TSPAN9: variants seen among roughly 807,000 people sequenced by gnomAD.
The protein encoded by TSPAN9 is tetraspanin 9.
A neutral mutation model predicts 31.0 loss-of-function variants in TSPAN9; 16 were observed. The ratio of observed to expected loss-of-function variants is 0.52; its 90% CI spans 0.35 to 0.78. TSPAN9 has a LOEUF of 0.78. TSPAN9 is among the 30% of genes least tolerant of loss of function. The pLI is 0.01. For synonymous variants in TSPAN9, 145 were observed against 121.6 expected, an observed-to-expected ratio of 1.19 and a Z score of -1.27; for missense variants, 272 against 312.5, an observed-to-expected ratio of 0.87 and a Z score of 0.98.
intron 3 of TSPAN9, among the ~76,000 whole-genome samples, chr12:3,209,689 G>T (rs1332170019): frequency 6.6e-6 from 1 of 152,132 alleles, no homozygotes; most frequent in Non-Finnish European, 1.5e-5. Flanking sequence ...GCCGGGCGCG[G>T]TGGCTCACGC....
intron 3 of TSPAN9, among the ~76,000 whole-genome samples, chr12:3,260,507 C>T (rs1862428837): frequency 6.6e-6 from 1 of 152,196 alleles, no homozygotes; most frequent in Non-Finnish European, 1.5e-5. Context: ...CCTCATAGTC[C>T]CGTGCTGCTG....
chr12:3,225,715 G>T (rs904397835), intron 3 of TSPAN9, among the ~76,000 whole-genome samples: 5 of 151,996 alleles, frequency 3.3e-5, no homozygotes, highest in Admixed American at 2.0e-4. Context: ...CCGAGTAATT[G>T]CCTTAAGCCT....
At chr12:3,275,588 T>C (rs527346) in intron 3 of TSPAN9, among the ~76,000 whole-genome samples, 66,315 of 152,260 alleles carry the variant, frequency 0.44, 14,734 homozygotes, top group Middle Eastern at 0.53. Context: ...CAGCCATCGC[T>C]GGCGAACCCA....
At chr12:3,169,222 CTG>C (rs972502021) in intron 2 of TSPAN9, among the ~76,000 whole-genome samples, 1 of 152,168 alleles carries the variant, frequency 6.6e-6, no homozygotes, top group African/African-American at 2.4e-5. Context: ...GCACCCAACT[CTG>C]TTTCGGGTGG....
chr12:3,105,758 G>GCA (rs1183534674), intron 2 of TSPAN9, among the ~76,000 whole-genome samples: 5,762 of 94,562 alleles, frequency 0.061, 384 homozygotes, highest in African/African-American at 0.15. Flanking sequence ...TCACACACAC[G>GCA]CACACACGCG....
At chr12:3,144,018 T>C (rs2098336032) in intron 2 of TSPAN9, among the ~76,000 whole-genome samples, 1 of 152,198 alleles carries the variant, frequency 6.6e-6, no homozygotes, top group African/African-American at 2.4e-5. Context: ...TGGACACATA[T>C]CTGTATCTCT....
rs545657388 is a variant in TSPAN9 at position 3,187,035 on chromosome 12, C to A, written c.-17-14142C>A. On this transcript the variant is annotated intron_variant, in intron 2 of 8. Coordinates refer to ENST00000011898, the MANE Select transcript of TSPAN9 (RefSeq NM_006675.5). The surrounding 1 kb of genome is among the most constrained non-coding windows in gnomAD (Gnocchi z 5.2). ...GTACTTACACCATGGCATTGGCAAG[C>A]GCTCTGAATCGGGGCTTTTCCCCTG... Among the ~76,000 whole-genome samples, 1 of 152,176 alleles carries A rather than the reference C, an allele frequency of 6.6e-6. No homozygotes were observed. The highest frequency in any genetic ancestry group is 2.4e-5 in the African/African-American group (1 of 41,426).
At chr12:3,146,821 A>G (rs2098337477) in intron 2 of TSPAN9, among the ~76,000 whole-genome samples, 1 of 151,998 alleles carries the variant, frequency 6.6e-6, no homozygotes, top group Admixed American at 6.6e-5. Context: ...ATTCTCTGGG[A>G]GGAGAATGGT....
Position 3,253,798 on chromosome 12 carries a change from G to A in TSPAN9, c.64-24623G>A, listed in dbSNP as rs150568460. ...GAGGGAATGTGGGCAGTGTGTCCCT[G>A]GGAATGTTCTGTCTGCTGTGCGTGG... On this transcript the variant is annotated intron_variant, in intron 3 of 8. Transcript: ENST00000011898. 1.5e-4 allele frequency among the ~76,000 whole-genome samples: 23 copies of A among 152,296 alleles called. No individual in the cohort carries two copies. In the East Asian group the frequency reaches 4.4e-3, roughly 29 times the overall value.
intron 2 of TSPAN9, among the ~76,000 whole-genome samples, chr12:3,144,737 A>G (rs2098336388): frequency 6.6e-6 from 1 of 152,232 alleles, no homozygotes; most frequent in Non-Finnish European, 1.5e-5. Context: ...GCCTGAGATC[A>G]TCCTCTCTCA....
intron 2 of TSPAN9, among the ~76,000 whole-genome samples, chr12:3,123,783 AGAGGCTAGG>A (rs1273754204): frequency 5.3e-5 from 8 of 152,212 alleles, no homozygotes; most frequent in Non-Finnish European, 1.2e-4. Flanking sequence ...CTGAAGTCCA[AGAGGCTAGG>A]GAGCTTGCCC....
chr12:3,171,878 G>T (rs1177722884), intron 2 of TSPAN9: 1 of 152,178 alleles, frequency 6.6e-6, no homozygotes, highest in East Asian at 1.9e-4. Context: ...TTCTCCCTGT[G>T]TCTGCATCCA....
intron 2 of TSPAN9, among the ~76,000 whole-genome samples, chr12:3,108,082 G>C (rs1445669413): frequency 6.6e-6 from 1 of 152,146 alleles, no homozygotes; most frequent in Non-Finnish European, 1.5e-5. Flanking sequence ...TGCCTTTCTT[G>C]TGTAACCCCA....
chr12:3,095,406 G>C (rs1200738435), intron 2 of TSPAN9, among the ~76,000 whole-genome samples: 2 of 148,880 alleles, frequency 1.3e-5, no homozygotes. Flanking sequence ...AGACGGGGTG[G>C]TGGCCGGGCA....
intron 2 of TSPAN9, among the ~76,000 whole-genome samples, chr12:3,155,665 G>T (rs1477641366): frequency 2.0e-5 from 3 of 152,202 alleles, no homozygotes; most frequent in Non-Finnish European, 4.4e-5. Flanking sequence ...TTTGGGAGGA[G>T]TTAGGCCTTG....
chr12:3,102,203 A>G (rs1249114801), intron 2 of TSPAN9, among the ~76,000 whole-genome samples: 1 of 151,626 alleles, frequency 6.6e-6, no homozygotes, highest in Non-Finnish European at 1.5e-5. Context: ...GACTCACTGC[A>G]ACTTCTGACT....
intron 3 of TSPAN9, among the ~76,000 whole-genome samples, chr12:3,233,198 A>G (rs1431738461): frequency 6.6e-6 from 1 of 152,214 alleles, no homozygotes; most frequent in Admixed American, 6.5e-5. Flanking sequence ...AAGCTACCAA[A>G]GCTTGAATTC....
At chr12:3,268,746 T>A (rs1862598075) in intron 3 of TSPAN9, among the ~76,000 whole-genome samples, 1 of 105,402 alleles carries the variant, frequency 9.5e-6, no homozygotes, top group Admixed American at 9.1e-5. Flanking sequence ...TCCTGCAGCC[T>A]GCCCTCCGTG....
intron 3 of TSPAN9, among the ~76,000 whole-genome samples, chr12:3,254,119 A>G (rs1862303471): frequency 6.6e-6 from 1 of 152,190 alleles, no homozygotes. Context: ...CGGAGCACCC[A>G]GCCCCGAGCC....
Sources: allele counts gnomAD v4.1 joint callset (sites outside exome capture counted in the v4.1 genomes callset), GRCh38; gene constraint gnomAD v4.1.1; non-coding constraint Gnocchi (gnomAD v3.1); transcripts MANE v1.5; gene names NCBI Gene and HGNC (gene_info 2026-07-23, HGNC 2026-07-21).